The following MAN2A1 variants were observed in gnomAD, a reference collection of about 807,000 sequenced individuals.
The protein encoded by MAN2A1 is alpha-mannosidase 2.
MAN2A1 carries 76 observed loss-of-function variants against 142.6 expected under a neutral mutation model. The observed-to-expected ratio is 0.53, with a 90% CI of 0.44 to 0.65. MAN2A1 has a LOEUF of 0.65. Among genes scored for constraint, MAN2A1 ranks in the 30% least tolerant of loss-of-function variants. The pLI, the probability that MAN2A1 is intolerant of heterozygous loss-of-function variation, is 0.00. For synonymous variants in MAN2A1, 559 were observed against 473.2 expected (o/e 1.18, Z -2.35); for missense variants, 1,311 against 1,365.1 (o/e 0.96, Z 0.62).
intron 12 of MAN2A1, among the ~76,000 whole-genome samples, chr5:109,800,933 T>C (rs1475481985): frequency 6.6e-6 from 1 of 152,190 alleles, no homozygotes; most frequent in Non-Finnish European, 1.5e-5. Flanking sequence ...GATGAACCCT[T>C]ATGGGAAAAG....
chr5:109,727,155 G>A (rs1444848146), intron 3 of MAN2A1, among the ~76,000 whole-genome samples: 1 of 151,938 alleles, frequency 6.6e-6, no homozygotes, highest in African/African-American at 2.4e-5. Flanking sequence ...TTTGTTCTAG[G>A]GCTGAATAAG....
chr5:109,775,664 A>T (rs1372213757), intron 8 of MAN2A1, among the ~76,000 whole-genome samples: 4 of 152,092 alleles, frequency 2.6e-5, no homozygotes, highest in African/African-American at 4.8e-5. Flanking sequence ...AGCCAATCTC[A>T]GGTTTCATAT....
At chr5:109,811,799 G>A (rs1188005336) in intron 12 of MAN2A1, among the ~76,000 whole-genome samples, 3 of 152,192 alleles carry the variant, frequency 2.0e-5, no homozygotes, top group South Asian at 4.2e-4. Context: ...ATACCATACA[G>A]CATCTTTCTC....
At chr5:109,820,444 T>G in intron 15 of MAN2A1, 102 bp downstream of exon 15, 1 of 1,186,794 alleles carries the variant, frequency 8.4e-7, no homozygotes, top group Non-Finnish European at 1.2e-6. Flanking sequence ...TGTTGATTTA[T>G]TAGGGATAGA....
At position 109,789,442 on chromosome 5, in the gene MAN2A1, T is replaced by C; in HGVS notation, c.1876-18T>C. 6.8e-7 allele frequency: 1 copy of C among 1,462,358 alleles called. No homozygotes were observed. The highest frequency in any genetic ancestry group is 9.4e-7 in the Non-Finnish European group (1 of 1,063,622). 90.6% of individuals were successfully genotyped at this position (1,462,358 alleles called of 1,614,324 possible). The stretch of plus-strand genomic sequence containing the variant: ...GGAGTGTTAAGTAAAATTAAAAAAT[T>C]ACTGTTCATTTTTATAGGATTTGAA... On this transcript the variant is annotated intron_variant, in intron 11 of 21. Coordinates refer to ENST00000261483, the MANE Select transcript of MAN2A1 (RefSeq NM_002372.4).
rs556464390 is a variant in MAN2A1 at position 109,818,344 on chromosome 5, G to A, written c.2109+906G>A. On this transcript the variant is annotated intron_variant, in intron 13 of 21. Coordinates refer to ENST00000261483, the MANE Select transcript of MAN2A1 (RefSeq NM_002372.4). ...GTAGAGAGGGGGTTTCACCATGTTG[G>A]TTGGGCTGGTCTCAAACTCCTGACC... 1.4e-3 allele frequency among the ~76,000 whole-genome samples: 214 copies of A among 152,138 alleles called. 2 individuals carry two copies. The highest frequency in any genetic ancestry group is 7.5e-3 in the South Asian group (36 of 4,814).
chr5:109,693,808 A>G (rs1431459029), intron 1 of MAN2A1, among the ~76,000 whole-genome samples: 1 of 152,212 alleles, frequency 6.6e-6, no homozygotes, highest in Non-Finnish European at 1.5e-5. Context: ...ACTAGAGGCA[A>G]CAGGGGGCCT....
At chr5:109,709,464 A>G (rs1751234575) in intron 1 of MAN2A1, among the ~76,000 whole-genome samples, 1 of 152,200 alleles carries the variant, frequency 6.6e-6, no homozygotes, top group African/African-American at 2.4e-5. Flanking sequence ...AAGGAAAGGC[A>G]CACAGTTTTC....
chr5:109,755,217 T>C, intron 4 of MAN2A1, 112 bp from the exon 5 acceptor site: 1 of 795,958 alleles, frequency 1.3e-6, no homozygotes, highest in South Asian at 1.7e-5. Context: ...TGACAACTAG[T>C]ATACATACTG....
intron 16 of MAN2A1, among the ~76,000 whole-genome samples, chr5:109,825,858 T>C (rs1490133960): frequency 2.0e-5 from 3 of 151,734 alleles, no homozygotes; most frequent in Admixed American, 6.6e-5. Context: ...CTCTGCCTCT[T>C]TTCTCTTTTT....
intron 3 of MAN2A1, among the ~76,000 whole-genome samples, chr5:109,718,692 A>C (rs1206507022): frequency 2.0e-5 from 3 of 152,082 alleles, no homozygotes; most frequent in African/African-American, 7.2e-5. Flanking sequence ...ACACGCCTCC[A>C]CGCTTGCAGG....
At chr5:109,781,791 A>T (rs1022323480) in intron 9 of MAN2A1, among the ~76,000 whole-genome samples, 193 bp downstream of exon 9, 5 of 152,140 alleles carry the variant, frequency 3.3e-5, no homozygotes, top group African/African-American at 1.2e-4. Context: ...AAATTATTAC[A>T]TGGGTTTTTG....
intron 4 of MAN2A1, among the ~76,000 whole-genome samples, chr5:109,731,040 T>G (rs6594396): frequency 0.74 from 112,087 of 152,016 alleles, 42,372 homozygotes; most frequent in East Asian, 0.94. Context: ...TTAACTGACA[T>G]TTGACGTTCC....
At position 109,865,097 on chromosome 5, in the gene MAN2A1, G is replaced by A. The variant is rs554210296; in HGVS notation, c.3233G>A (p.Arg1078Gln). 27 of 1,613,886 alleles carry A rather than the reference G, an allele frequency of 1.7e-5. No homozygotes were observed. The highest frequency in any genetic ancestry group is 1.7e-4 in the Admixed American group (10 of 59,988). Residue 1078 changes from arginine (R) to glutamine (Q), a missense_variant, in exon 21 of 22, where the codon CGG (arginine) becomes CAG (glutamine). Physicochemically the swap from Arg to Gln is conservative, Grantham distance 43 (BLOSUM62 1). Transcript: ENST00000261483. Reference protein sequence around the residue: ...LILHRKGFDCRFSSKGTGLFC... With the variant: ...LILHRKGFDCQFSSKGTGLFC... ...CTCCACAGAAAAGGGTTTGATTGTCGGTTCTCTAGCAAAGGCACAGGGCTG... is the reference window on the plus strand; with the variant it reads ...CTCCACAGAAAAGGGTTTGATTGTCAGTTCTCTAGCAAAGGCACAGGGCTG...
At position 109,833,785 on chromosome 5, in the gene MAN2A1, A is replaced by G. The variant is rs565771905; in HGVS notation, c.2567-8543A>G. On this transcript the variant is annotated intron_variant, in intron 16 of 21. Coordinates refer to ENST00000261483, the MANE Select transcript of MAN2A1 (RefSeq NM_002372.4). Reference sequence around the variant, plus strand: ...ACTCCTGAGTTAGATGCCATAAGCCACAGACTGATCTATCGTCAAACATTA... The same window carrying G: ...ACTCCTGAGTTAGATGCCATAAGCCGCAGACTGATCTATCGTCAAACATTA... Among the ~76,000 whole-genome samples the G allele has an allele frequency of 1.4e-4, 22 of 152,364 alleles. No homozygotes were observed. In the East Asian group the frequency reaches 2.9e-3, roughly 20 times the overall value.
chr5:109,779,592 C>T (rs1440044814), intron 8 of MAN2A1, among the ~76,000 whole-genome samples: 3 of 151,910 alleles, frequency 2.0e-5, no homozygotes, highest in Non-Finnish European at 2.9e-5. Context: ...CAAACACACA[C>T]AGTCTTCTTC....
At chr5:109,697,614 C>T (rs1750851262) in intron 1 of MAN2A1, among the ~76,000 whole-genome samples, 1 of 152,190 alleles carries the variant, frequency 6.6e-6, no homozygotes, top group South Asian at 2.1e-4. Flanking sequence ...GGTCATTCAT[C>T]TACCAATTGT....
chr5:109,744,662 G>A (rs960279421), intron 4 of MAN2A1, among the ~76,000 whole-genome samples: 2 of 152,064 alleles, frequency 1.3e-5, no homozygotes, highest in African/African-American at 2.4e-5. Context: ...CATATGTTGC[G>A]GGTGGGAATG....
At chr5:109,819,918 A>C in intron 14 of MAN2A1, 31 bp downstream of exon 14, 2 of 1,411,064 alleles carry the variant, frequency 1.4e-6, no homozygotes, top group Non-Finnish European at 1.9e-6. Flanking sequence ...AAATTCATAG[A>C]ATGCTTATCA....
Sources: allele counts gnomAD v4.1 joint callset (sites outside exome capture counted in the v4.1 genomes callset), GRCh38; gene constraint gnomAD v4.1.1; transcripts MANE v1.5; gene names NCBI Gene and HGNC (gene_info 2026-07-23, HGNC 2026-07-21).